ZBTB49: variants seen among roughly 807,000 people sequenced by gnomAD.
The protein encoded by ZBTB49 is zinc finger and BTB domain-containing protein 49.
ZBTB49 carries 43 observed loss-of-function variants against 57.5 expected under a neutral mutation model. That is an observed-to-expected ratio of 0.75 (90% CI 0.59 to 0.97). ZBTB49 has a LOEUF of 0.97. Ranked by LOEUF, ZBTB49 falls within the 50% of genes least tolerant of loss-of-function variation. The probability of loss-of-function intolerance (pLI) is 0.00; values close to 1 mark genes in which losing one functional copy is unlikely to be tolerated. For synonymous variants in ZBTB49, 369 were observed against 362.1 expected, an observed-to-expected ratio of 1.02 and a Z score of -0.22; for missense variants, 938 against 947.7, an observed-to-expected ratio of 0.99 and a Z score of 0.13.
chr4:4,314,947 C>T (rs1412848493), intron 5 of ZBTB49, among the ~76,000 whole-genome samples: 1 of 152,210 alleles, frequency 6.6e-6, no homozygotes, highest in Non-Finnish European at 1.5e-5. Flanking sequence ...AGCATCTGCT[C>T]AGTGAATGCT....
At position 4,321,070 on chromosome 4, in the gene ZBTB49, GAC is replaced by G; in HGVS notation, c.2056_2057del (p.Gln686AlafsTer39). 4 of 1,614,208 alleles carry G rather than the reference GAC, an allele frequency of 2.5e-6. No individual in the cohort carries two copies. The highest frequency in any genetic ancestry group is 3.4e-6 in the Non-Finnish European group (4 of 1,180,040). ...GKLAKPQMQQTQPQAYAYSDV... is the reference protein window; with the variant it reads ...GKLAKPQMQQXQPQAYAYSDV... ...AACTTGCCAAGCCCCAGATGCAGCA[GAC>G]ACAGCCTCAGGCCTATGCTTACTCG... On this transcript the variant is annotated frameshift_variant, in exon 8 of 8. Transcript: ENST00000337872. LOFTEE classifies it low-confidence loss of function (END_TRUNC).
rs565217102 is a variant in ZBTB49 at position 4,316,065 on chromosome 4, C to T, written c.1621+95C>T. 28 of 1,465,924 alleles carry T rather than the reference C, an allele frequency of 1.9e-5. No homozygotes were observed. The African/African-American group carries it at 3.3e-4, about 17-fold the overall frequency. 90.8% of individuals were successfully genotyped at this position (1,465,924 alleles called of 1,614,324 possible). ...TAGCTGAGTGCGTGTCTGGGATGAG[C>T]CCTTTGTTTCCTCCTGTTTTTTTAT... On this transcript the variant is annotated intron_variant, in intron 7 of 7. Coordinates refer to ENST00000337872, the MANE Select transcript of ZBTB49 (RefSeq NM_145291.4).
chr4:4,315,759 A>G, intron 6 of ZBTB49, 41 bp downstream of exon 6: 1 of 1,613,844 alleles, frequency 6.2e-7, no homozygotes, highest in Non-Finnish European at 8.5e-7. Flanking sequence ...AAGATTTCTG[A>G]TTAAAATGTT....
At chr4:4,309,024 C>T (rs1236998857) in intron 4 of ZBTB49, among the ~76,000 whole-genome samples, 2 of 152,136 alleles carry the variant, frequency 1.3e-5, no homozygotes, top group African/African-American at 4.8e-5. Flanking sequence ...GCCCACCGGC[C>T]CATCCTCCAC....
chr4:4,307,314 C>T (rs1189388690), intron 4 of ZBTB49, among the ~76,000 whole-genome samples: 1 of 152,190 alleles, frequency 6.6e-6, no homozygotes, highest in Non-Finnish European at 1.5e-5. Flanking sequence ...GCTCGTCCCT[C>T]CAGCCGCCAT....
intron 1 of ZBTB49, among the ~76,000 whole-genome samples, chr4:4,294,267 G>C (rs970837764): frequency 6.6e-6 from 1 of 151,954 alleles, no homozygotes; most frequent in African/African-American, 2.4e-5. Flanking sequence ...AACCTTATTG[G>C]GGTTTCCAGA....
At chr4:4,316,961 C>G (rs1162009452) in intron 7 of ZBTB49, among the ~76,000 whole-genome samples, 2 of 152,184 alleles carry the variant, frequency 1.3e-5, no homozygotes, top group East Asian at 3.8e-4. Context: ...TCTCTTGAGC[C>G]CAGGAGGCCG....
chr4:4,320,716 G>A lies in ZBTB49; in HGVS notation c.1698G>A (p.Glu566=). The change falls in exon 8 of 8, where the codon GAG becomes GAA. Residue 566 remains glutamate, a synonymous_variant. Transcript: ENST00000337872. ...THTGEKPYTC[E]ICNKCFTRSA... is the part of the protein sequence containing the mutation. ...CTGGGGAGAAGCCGTACACATGTGA[G>A]ATCTGTAACAAGTGCTTTACCCGCT... The A allele has an allele frequency of 6.2e-7, 1 of 1,614,244 alleles. No homozygotes were observed. The highest frequency in any genetic ancestry group is 8.5e-7 in the Non-Finnish European group (1 of 1,180,046).
chr4:4,316,181 C>T (rs900545753), intron 7 of ZBTB49, among the ~76,000 whole-genome samples: 3 of 152,132 alleles, frequency 2.0e-5, no homozygotes, highest in African/African-American at 7.2e-5. Flanking sequence ...CTAAACGCTC[C>T]GAATACAAAG....
chr4:4,300,307 G>C (rs970142795), intron 2 of ZBTB49, among the ~76,000 whole-genome samples: 2 of 152,094 alleles, frequency 1.3e-5, no homozygotes, highest in Non-Finnish European at 2.9e-5. Context: ...AAGAAAAGAG[G>C]CTCTTAAGTA....
At chr4:4,307,142 G>A (rs537879151) in intron 4 of ZBTB49, among the ~76,000 whole-genome samples, 1 of 152,146 alleles carries the variant, frequency 6.6e-6, no homozygotes, top group Non-Finnish European at 1.5e-5. Context: ...CTGCCTGCTG[G>A]GATTCACCAA....
In ZBTB49 at chr4:4,302,383, C is replaced by T. The variant is rs1365901662; in HGVS notation, c.547C>T (p.Arg183Cys). ...TCCGCATGCTTCACCATCAGTTAAT[C>T]GTCATCACTCCGCAGGTGAAATCTC... The part of the protein sequence containing the change: ...SHPHASPSVN[R>C]HHSAGEISKQ... Residue 183 changes from arginine to cysteine, a missense_variant, in exon 3 of 8, where the codon CGT becomes TGT. Around this residue, in one of 3 missense-constraint regions of ZBTB49, gnomAD observed 835 missense variants for 819.1 expected, o/e 1.02. Coordinates refer to ENST00000337872, the MANE Select transcript of ZBTB49 (RefSeq NM_145291.4). The T allele has an allele frequency of 2.5e-5, 41 of 1,614,104 alleles. No individual in the cohort carries two copies. Among genetic ancestry groups the T allele is most frequent in the Non-Finnish European group, 3.4e-5 (40 of 1,180,048 alleles).
intron 1 of ZBTB49, among the ~76,000 whole-genome samples, chr4:4,298,365 G>A (rs60879088): frequency 0.064 from 9,719 of 152,134 alleles, 822 homozygotes; most frequent in East Asian, 0.32. Context: ...AGCCATGCTT[G>A]AGTACTGAGA....
chr4:4,313,561 C>T (rs865900399), intron 5 of ZBTB49, among the ~76,000 whole-genome samples: 20 of 152,242 alleles, frequency 1.3e-4, no homozygotes, highest in African/African-American at 4.1e-4. Flanking sequence ...GTGAGAGCTC[C>T]ACCCCAGGGA....
At chr4:4,300,217 G>A in intron 2 of ZBTB49, 120 bp downstream of exon 2, 1 of 1,123,418 alleles carries the variant, frequency 8.9e-7, no homozygotes, top group Non-Finnish European at 1.2e-6. Context: ...TAGCACATTG[G>A]ATTTTGTAGG....
chr4:4,303,760 C>CTCTCTCTCTCTCTGTGTG (rs1223289249), intron 3 of ZBTB49, among the ~76,000 whole-genome samples: 3 of 121,314 alleles, frequency 2.5e-5, no homozygotes, highest in Admixed American at 8.3e-5. Context: ...CTCTCTCTCT[C>CTCTCTCTCTCTCTGTGTG]TGTGTGTGTG....
intron 1 of ZBTB49, among the ~76,000 whole-genome samples, chr4:4,299,334 C>G (rs1455209185): frequency 2.6e-5 from 4 of 152,176 alleles, no homozygotes; most frequent in African/African-American, 9.7e-5. Flanking sequence ...TGCGATGTCT[C>G]TTATATCATT....
At chr4:4,319,595 C>T (rs555698527) in intron 7 of ZBTB49, among the ~76,000 whole-genome samples, 5 of 152,326 alleles carry the variant, frequency 3.3e-5, no homozygotes, top group Non-Finnish European at 4.4e-5. Flanking sequence ...CTGAGATGAG[C>T]TGATCACTTA....
At chr4:4,309,977 C>T (rs1270714641) in intron 4 of ZBTB49, among the ~76,000 whole-genome samples, 1 of 152,112 alleles carries the variant, frequency 6.6e-6, no homozygotes, top group Non-Finnish European at 1.5e-5. Context: ...CTTTTAATAT[C>T]TGGGATCTCT....
Sources: allele counts gnomAD v4.1 joint callset (sites outside exome capture counted in the v4.1 genomes callset), GRCh38; gene constraint gnomAD v4.1.1; regional missense constraint gnomAD v4.1.1; transcripts MANE v1.5; gene names NCBI Gene and HGNC (gene_info 2026-07-23, HGNC 2026-07-21).